Variants in GRID2 observed in about 807,000 individuals in gnomAD.
GRID2 encodes the protein glutamate ionotropic receptor delta type subunit 2.
In GRID2, 33 loss-of-function variants were observed where a neutral mutation model predicts 114.8. That is an observed-to-expected ratio of 0.29 (90% CI 0.22 to 0.38). GRID2 has a LOEUF of 0.38. GRID2 is among the 10% of genes least tolerant of loss of function. The pLI is 1.00. For synonymous variants in GRID2, 505 were observed against 449.9 expected (o/e 1.12, Z -1.55); for missense variants, 1,184 against 1,257.7 (o/e 0.94, Z 0.89).
intron 2 of GRID2, among the ~76,000 whole-genome samples, chr4:92,676,238 T>C (rs1472632044): frequency 1.2e-4 from 3 of 24,178 alleles, no homozygotes; most frequent in South Asian, 2.9e-3. Flanking sequence ...TGGAGTGCAG[T>C]GGCGCTATCT....
intron 2 of GRID2, among the ~76,000 whole-genome samples, chr4:92,868,540 A>C (rs1169173995): frequency 1.3e-5 from 2 of 152,212 alleles, no homozygotes; most frequent in African/African-American, 4.8e-5. Flanking sequence ...AATAGAAACA[A>C]GTAGGCTATT....
At chr4:92,841,010 T>A (rs1742852268) in intron 2 of GRID2, among the ~76,000 whole-genome samples, 1 of 152,030 alleles carries the variant, frequency 6.6e-6, no homozygotes, top group Non-Finnish European at 1.5e-5. Flanking sequence ...TCCCAACTTA[T>A]CTTGATTCCA....
chr4:92,754,373 T>G (rs1427101348), intron 2 of GRID2, among the ~76,000 whole-genome samples: 1 of 152,036 alleles, frequency 6.6e-6, no homozygotes, highest in Non-Finnish European at 1.5e-5. Flanking sequence ...AGCATGATGG[T>G]AGTAGGAGAT....
intron 11 of GRID2, among the ~76,000 whole-genome samples, chr4:93,465,954 A>C (rs1724224711): frequency 6.6e-6 from 1 of 152,220 alleles, no homozygotes; most frequent in Non-Finnish European, 1.5e-5. Flanking sequence ...CAACAAATTA[A>C]TGAACCCAAA....
chr4:92,657,538 T>G (rs1266566930), intron 2 of GRID2, among the ~76,000 whole-genome samples: 4 of 151,762 alleles, frequency 2.6e-5, no homozygotes, highest in African/African-American at 9.7e-5. Flanking sequence ...ATTATACCAC[T>G]GGATATTTAT....
At chr4:93,241,011 T>C (rs187237266) in intron 8 of GRID2, among the ~76,000 whole-genome samples, 1 of 151,788 alleles carries the variant, frequency 6.6e-6, no homozygotes, top group East Asian at 1.9e-4. Flanking sequence ...AAGGTAGTAT[T>C]TACACATTTG....
intron 4 of GRID2, among the ~76,000 whole-genome samples, chr4:93,119,113 G>T (rs1733543916): frequency 6.6e-6 from 1 of 151,972 alleles, no homozygotes; most frequent in Admixed American, 6.6e-5. Context: ...TGAAGTCTTA[G>T]AAATTTAATA....
intron 8 of GRID2, among the ~76,000 whole-genome samples, chr4:93,307,406 T>C (rs913082483): frequency 2.0e-5 from 3 of 151,684 alleles, no homozygotes; most frequent in Non-Finnish European, 4.4e-5. Context: ...ATTTTTTTTT[T>C]CCTTTCTTAC....
intron 9 of GRID2, among the ~76,000 whole-genome samples, chr4:93,422,206 A>C (rs1768357095): frequency 6.6e-6 from 1 of 152,218 alleles, no homozygotes; most frequent in South Asian, 2.1e-4. Context: ...TGAATTTCTC[A>C]TATCAGTCAT....
intron 2 of GRID2, among the ~76,000 whole-genome samples, chr4:92,884,376 G>T (rs1746224131): frequency 6.6e-6 from 1 of 152,152 alleles, no homozygotes; most frequent in Non-Finnish European, 1.5e-5. Flanking sequence ...CAACAAGAAT[G>T]TTTGGTTTTC....
intron 1 of GRID2, among the ~76,000 whole-genome samples, chr4:92,330,394 A>G (rs1726821097): frequency 6.6e-6 from 1 of 152,096 alleles, no homozygotes; most frequent in Non-Finnish European, 1.5e-5. Context: ...TTTTAGTAGT[A>G]GTGACCTCTG....
At chr4:92,745,879 C>A (rs930973824) in intron 2 of GRID2, among the ~76,000 whole-genome samples, 1 of 152,046 alleles carries the variant, frequency 6.6e-6, no homozygotes, top group Non-Finnish European at 1.5e-5. Flanking sequence ...GAAAAAGAAG[C>A]ATGATCAGCA....
At chr4:93,511,286 AT>A (rs1267094711) in intron 12 of GRID2, among the ~76,000 whole-genome samples, 9 of 152,312 alleles carry the variant, frequency 5.9e-5, no homozygotes, top group Admixed American at 1.3e-4. Context: ...TATTGAAAGA[AT>A]TTTACAGAAA....
At chr4:92,748,130 C>G (rs76618148) in intron 2 of GRID2, among the ~76,000 whole-genome samples, 3,461 of 152,240 alleles carry the variant, frequency 0.023, 98 homozygotes, top group East Asian at 0.12. Flanking sequence ...GTAGTCAAAT[C>G]TTGATGACAA....
At chr4:92,639,496 G>A (rs1309171106) in intron 2 of GRID2, among the ~76,000 whole-genome samples, 3 of 151,752 alleles carry the variant, frequency 2.0e-5, no homozygotes, top group African/African-American at 4.8e-5. Context: ...AAAAGATCTA[G>A]CTTCAAGTTC....
chr4:93,276,102 A>G, intron 8 of GRID2, among the ~76,000 whole-genome samples: 1 of 151,894 alleles, frequency 6.6e-6, no homozygotes, highest in East Asian at 1.9e-4. Context: ...ATTTAGGTCT[A>G]TGATATATTT....
intron 4 of GRID2, among the ~76,000 whole-genome samples, chr4:93,125,516 A>G (rs924155285): frequency 1.3e-5 from 2 of 152,068 alleles, no homozygotes; most frequent in Non-Finnish European, 2.9e-5. Context: ...GCTTGATCAA[A>G]CTCAAGTCAG....
At chr4:92,951,980 A>T (rs1048585263) in intron 2 of GRID2, among the ~76,000 whole-genome samples, 5 of 152,178 alleles carry the variant, frequency 3.3e-5, no homozygotes, top group Admixed American at 2.6e-4. Context: ...GGCTTTCCTA[A>T]TATTTTTATA....
intron 1 of GRID2, among the ~76,000 whole-genome samples, chr4:92,485,139 A>G (rs1025062715): frequency 6.6e-6 from 1 of 151,064 alleles, no homozygotes; most frequent in Non-Finnish European, 1.5e-5. Context: ...TGGCAAATAT[A>G]TTTAGGCTGG....
Sources: allele counts gnomAD v4.1 joint callset (sites outside exome capture counted in the v4.1 genomes callset), GRCh38; gene constraint gnomAD v4.1.1; transcripts MANE v1.5; gene names NCBI Gene and HGNC (gene_info 2026-07-23, HGNC 2026-07-21).